OR1J2: variants seen among roughly 807,000 people sequenced by gnomAD.
OR1J2 encodes olfactory receptor 1J2.
For synonymous variants in OR1J2, 142 were observed against 99.7 expected, an observed-to-expected ratio of 1.42 and a Z score of -2.52; for missense variants, 304 against 246.1, an observed-to-expected ratio of 1.24 and a Z score of -1.57.
At chr9:122,480,360 A>G in the OR1J2 span, among the ~76,000 whole-genome samples, 3 of 152,188 alleles carry the variant, frequency 2.0e-5, no homozygotes, top group Non-Finnish European at 4.4e-5. Context: ...TTGGCTATCA[A>G]TAAAGGAAAA....
the OR1J2 span, among the ~76,000 whole-genome samples, chr9:122,485,559 G>T: frequency 6.6e-6 from 1 of 152,330 alleles, no homozygotes; most frequent in East Asian, 1.9e-4. Context: ...ACCCTCAATA[G>T]CTTGCTGATA....
chr9:122,552,036 T>C, the OR1J2 span, among the ~76,000 whole-genome samples: 130 of 123,974 alleles, frequency 1.0e-3, no homozygotes, highest in African/African-American at 3.4e-3. Flanking sequence ...GTAGGACACA[T>C]ACACACACAC....
chr9:122,451,023 A>C, the OR1J2 span, among the ~76,000 whole-genome samples: 1 of 152,204 alleles, frequency 6.6e-6, no homozygotes, highest in Non-Finnish European at 1.5e-5. Context: ...GGACCATATT[A>C]TTCAATGAGC....
the OR1J2 span, chr9:122,477,625 G>A: frequency 3.1e-6 from 5 of 1,614,084 alleles, no homozygotes; most frequent in East Asian, 6.7e-5. Flanking sequence ...GAAAAAATAT[G>A]TCTGTGAAAT....
the OR1J2 span, among the ~76,000 whole-genome samples, chr9:122,545,042 T>C: frequency 1.3e-5 from 2 of 152,180 alleles, no homozygotes; most frequent in Admixed American, 6.6e-5. Context: ...ATTTTTAATA[T>C]AATTCATCTC....
At chr9:122,483,123 A>T in the OR1J2 span, among the ~76,000 whole-genome samples, 8 of 152,192 alleles carry the variant, frequency 5.3e-5, no homozygotes, top group Admixed American at 5.2e-4. Context: ...ATATACAATT[A>T]TTGTGTCAAT....
At chr9:122,553,862 C>T in the OR1J2 span, 195 of 1,613,940 alleles carry the variant, frequency 1.2e-4, no homozygotes, top group Non-Finnish European at 1.1e-4. Context: ...TCCTGCTGAT[C>T]GTCTTCTCCT....
the OR1J2 span, chr9:122,553,957 C>T: frequency 9.9e-6 from 16 of 1,613,552 alleles, no homozygotes; most frequent in East Asian, 2.2e-5. Context: ...TCTCATCTCA[C>T]GGTGGTTCTG....
At chr9:122,476,974 T>C in the OR1J2 span, 701,076 of 1,459,962 alleles carry the variant, frequency 0.48, 177,229 homozygotes, top group African/African-American at 0.82. Context: ...TCCCAAAGTG[T>C]TGAGATTACA....
At chr9:122,526,317 C>G in the OR1J2 span, 70 of 1,306,492 alleles carry the variant, frequency 5.4e-5, 1 homozygote, top group Admixed American at 1.3e-4. Context: ...TTGTCTGACT[C>G]CAAGCCTATG....
chr9:122,568,586 A>G, the OR1J2 span: 11 of 679,708 alleles, frequency 1.6e-5, no homozygotes, highest in South Asian at 2.0e-5. Context: ...TTTGGTCACA[A>G]TTAGCTACTG....
the OR1J2 span, chr9:122,567,761 G>A: frequency 6.2e-7 from 1 of 1,614,138 alleles, no homozygotes; most frequent in Non-Finnish European, 8.5e-7. Flanking sequence ...CACAGGTGGA[G>A]AAGGCTTTGC....
At chr9:122,558,970 G>A in the OR1J2 span, among the ~76,000 whole-genome samples, 1 of 151,764 alleles carries the variant, frequency 6.6e-6, no homozygotes, top group African/African-American at 2.4e-5. Context: ...GTGATATTTC[G>A]ATACCTGTAT....
the OR1J2 span, among the ~76,000 whole-genome samples, chr9:122,528,937 A>G: frequency 2.6e-5 from 4 of 152,230 alleles, no homozygotes; most frequent in Non-Finnish European, 5.9e-5. Flanking sequence ...TTTGTCATTA[A>G]TATCTTACAG....
the OR1J2 span, among the ~76,000 whole-genome samples, chr9:122,563,537 AAAT>A: frequency 3.3e-5 from 5 of 152,188 alleles, no homozygotes; most frequent in Admixed American, 3.3e-4. Context: ...CATAGTTTGC[AAAT>A]ATTTTCTCCC....
chr9:122,548,581 T>A, the OR1J2 span, among the ~76,000 whole-genome samples: 10,111 of 150,406 alleles, frequency 0.067, 445 homozygotes, highest in South Asian at 0.22. Context: ...TCCAATTTTT[T>A]AAAATTTTTA....
chr9:122,477,390 A>G, the OR1J2 span: 1 of 1,614,028 alleles, frequency 6.2e-7, no homozygotes, highest in African/African-American at 1.3e-5. Context: ...CACCAAGGTC[A>G]CAGAAGTAGT....
chr9:122,448,730 G>A, the OR1J2 span, among the ~76,000 whole-genome samples: 1 of 152,138 alleles, frequency 6.6e-6, no homozygotes, highest in Non-Finnish European at 1.5e-5. Context: ...GGCACATCCT[G>A]CACAGCCCTA....
At chr9:122,566,275 C>T in the OR1J2 span, among the ~76,000 whole-genome samples, 68 of 152,288 alleles carry the variant, frequency 4.5e-4, no homozygotes, top group African/African-American at 1.6e-3. Flanking sequence ...TTGCATAGGT[C>T]ATCTTGTTTA....
Sources: gnomAD v4.1 joint callset for allele counts (sites outside exome capture counted in the v4.1 genomes callset) on GRCh38, gnomAD v4.1.1 for gene constraint, MANE v1.5 for transcripts, NCBI Gene and HGNC (gene_info 2026-07-23, HGNC 2026-07-21) for gene names.